SNTG2: variants seen among roughly 807,000 people sequenced by gnomAD.
SNTG2 encodes the protein gamma-2-syntrophin.
Under a neutral mutation model 70.9 loss-of-function variants are expected in SNTG2, and 74 were observed. The observed-to-expected ratio is 1.04, with a 90% CI of 0.86 to 1.27. The LOEUF is 1.27. Ranked by LOEUF, SNTG2 falls within the 50% of genes most tolerant of loss-of-function variation. The pLI is 0.00. For synonymous variants in SNTG2, 278 were observed against 273.8 expected (o/e 1.02, Z -0.15); for missense variants, 717 against 690.7 (o/e 1.04, Z -0.43).
chr2:971,339 A>G (rs1437187709), intron 1 of SNTG2, among the ~76,000 whole-genome samples: 8 of 151,968 alleles, frequency 5.3e-5, no homozygotes, highest in Non-Finnish European at 8.8e-5. Flanking sequence ...GGAACTTGTT[A>G]TGTTACTGGT....
At chr2:1,202,552 T>C (rs959534526) in intron 8 of SNTG2, among the ~76,000 whole-genome samples, 1 of 151,978 alleles carries the variant, frequency 6.6e-6, no homozygotes, top group Non-Finnish European at 1.5e-5. Context: ...AATAGCAACA[T>C]GTAATTAAGC....
chr2:1,314,953 A>G (rs1275127887), intron 15 of SNTG2, among the ~76,000 whole-genome samples: 1 of 152,208 alleles, frequency 6.6e-6, no homozygotes, highest in Non-Finnish European at 1.5e-5. Context: ...ACCTCCCACC[A>G]GGTCCCTCCC....
At chr2:980,987 A>T (rs531713352) in intron 1 of SNTG2, among the ~76,000 whole-genome samples, 6 of 152,202 alleles carry the variant, frequency 3.9e-5, no homozygotes, top group Non-Finnish European at 2.9e-5. Flanking sequence ...TTAGGCAATA[A>T]GAAGTTAAAT....
chr2:1,173,771 G>A (rs1671288156), intron 8 of SNTG2, among the ~76,000 whole-genome samples: 1 of 152,256 alleles, frequency 6.6e-6, no homozygotes. Flanking sequence ...GAGAGAACCT[G>A]CAGCTCCCTG....
In SNTG2 at chr2:1,094,627, ATGG is replaced by A. The variant is rs2148201466; in HGVS notation, c.211-3567_211-3565del. ...GAAGGCCTTATAGGTGTGTCCTCATATGGTAGAGTTACTGGCAAGGGCTGGCTT... is the reference window on the plus strand; with the variant it reads ...GAAGGCCTTATAGGTGTGTCCTCATATAGAGTTACTGGCAAGGGCTGGCTT... On this transcript the variant is annotated intron_variant, in intron 2 of 16. Transcript: ENST00000308624. Among the ~76,000 whole-genome samples, 10 of 35,528 alleles carry A rather than the reference ATGG, an allele frequency of 2.8e-4. 1 individual carries two copies. Among genetic ancestry groups the A allele is most frequent in the Admixed American group, 9.4e-4 (3 of 3,180 alleles). 23.3% of individuals were successfully genotyped at this position (35,528 alleles called of 152,430 possible). A position where few individuals can be genotyped will look rare whatever the true frequency, so the allele number is the denominator to read the frequency against.
At chr2:1,161,331 C>A (rs1158209459) in intron 6 of SNTG2, 1 of 151,832 alleles carries the variant, frequency 6.6e-6, no homozygotes, top group Non-Finnish European at 1.5e-5. Flanking sequence ...ATGGCAAATA[C>A]ATTGTGCACA....
At chr2:1,360,902 C>T (rs537769121) in intron 16 of SNTG2, among the ~76,000 whole-genome samples, 4 of 152,158 alleles carry the variant, frequency 2.6e-5, no homozygotes, top group Non-Finnish European at 5.9e-5. Context: ...ACCTGCGTGT[C>T]CCAGTGGTTT....
chr2:1,157,766 G>T (rs1022316277), intron 6 of SNTG2, among the ~76,000 whole-genome samples: 1 of 152,166 alleles, frequency 6.6e-6, no homozygotes, highest in Admixed American at 6.5e-5. Flanking sequence ...CTCAGCTTCT[G>T]GTGTGCACAG....
chr2:1,071,202 G>C (rs576978677), intron 1 of SNTG2, among the ~76,000 whole-genome samples: 2 of 151,698 alleles, frequency 1.3e-5, no homozygotes, highest in Non-Finnish European at 2.9e-5. Flanking sequence ...ACATGCACAC[G>C]TATGTTTATT....
chr2:1,217,777 G>C (rs566061172), intron 9 of SNTG2, among the ~76,000 whole-genome samples: 1 of 152,322 alleles, frequency 6.6e-6, no homozygotes, highest in Non-Finnish European at 1.5e-5. Context: ...TGTTGATGGG[G>C]TGGCCATGGT....
chr2:1,167,228 A>G (rs967151427), intron 7 of SNTG2, among the ~76,000 whole-genome samples: 14 of 150,646 alleles, frequency 9.3e-5, no homozygotes, highest in Admixed American at 4.6e-4. Context: ...TGAAGCCTAC[A>G]AGCCACCCAC....
At chr2:1,198,788 T>C (rs1673087687) in intron 8 of SNTG2, among the ~76,000 whole-genome samples, 1 of 151,688 alleles carries the variant, frequency 6.6e-6, no homozygotes, top group South Asian at 2.1e-4. Context: ...ACAGAGACAA[T>C]AGATAAATTC....
intron 14 of SNTG2, among the ~76,000 whole-genome samples, chr2:1,293,331 TG>T (rs1680067305): frequency 6.6e-6 from 1 of 152,106 alleles, no homozygotes; most frequent in Admixed American, 6.5e-5. Context: ...TTTTCTATAT[TG>T]TTTTTCTATT....
chr2:1,259,361 T>C lies in SNTG2; in HGVS notation c.1006-9T>C. 1 of 1,613,742 alleles carries C rather than the reference T, an allele frequency of 6.2e-7. No individual in the cohort carries two copies. The highest frequency in any genetic ancestry group is 1.3e-5 in the African/African-American group (1 of 75,056). ...CTGCTTTTCATGGAACGTTCTCTGT[T>C]TCTTGCAGGTGAGCACATTCGATTG... On this transcript the variant is annotated splice_polypyrimidine_tract_variant and intron_variant, in intron 12 of 16. Coordinates refer to ENST00000308624, the MANE Select transcript of SNTG2 (RefSeq NM_018968.4).
chr2:1,302,012 A>C (rs1187819325), intron 14 of SNTG2, among the ~76,000 whole-genome samples: 1 of 150,560 alleles, frequency 6.6e-6, no homozygotes, highest in Non-Finnish European at 1.5e-5. Flanking sequence ...CCCAGGCTGG[A>C]GTGCAGTGGT....
At chr2:980,542 G>A (rs1402543647) in intron 1 of SNTG2, among the ~76,000 whole-genome samples, 1 of 152,012 alleles carries the variant, frequency 6.6e-6, no homozygotes, top group African/African-American at 2.4e-5. Context: ...TGAACTTTTG[G>A]TTTATCACTT....
intron 16 of SNTG2, among the ~76,000 whole-genome samples, chr2:1,338,158 T>C (rs928610154): frequency 6.6e-6 from 1 of 152,222 alleles, no homozygotes; most frequent in Non-Finnish European, 1.5e-5. Flanking sequence ...ACTTTGTTTA[T>C]TTGTTTTCAA....
chr2:958,251 T>G (rs898136670), intron 1 of SNTG2, among the ~76,000 whole-genome samples: 1 of 152,180 alleles, frequency 6.6e-6, no homozygotes. Context: ...CTTTAAGTGG[T>G]TATTGCTTGT....
chr2:1,347,011 A>C (rs1660324272), intron 16 of SNTG2, among the ~76,000 whole-genome samples: 1 of 152,186 alleles, frequency 6.6e-6, no homozygotes, highest in Non-Finnish European at 1.5e-5. Flanking sequence ...ATTAATTAAA[A>C]AAAAAATCTG....
Sources: allele counts gnomAD v4.1 joint callset (sites outside exome capture counted in the v4.1 genomes callset), GRCh38; gene constraint gnomAD v4.1.1; transcripts MANE v1.5; gene names NCBI Gene and HGNC (gene_info 2026-07-23, HGNC 2026-07-21).